SLC4A10: variants seen among roughly 807,000 people sequenced by gnomAD.
The protein encoded by SLC4A10 is sodium-driven chloride bicarbonate exchanger.
In SLC4A10, 42 loss-of-function variants were observed where a neutral mutation model predicts 137.7. That is an observed-to-expected ratio of 0.30 (90% CI 0.24 to 0.39). The LOEUF (loss-of-function observed/expected upper bound fraction) is 0.39. Among genes scored for constraint, SLC4A10 ranks in the 10% least tolerant of loss-of-function variants. The pLI, the probability that SLC4A10 is intolerant of heterozygous loss-of-function variation, is 1.00. For missense variants in SLC4A10, 925 were observed against 1,355.0 expected (o/e 0.68, Z 4.98); for synonymous variants, 474 against 464.1 (o/e 1.02, Z -0.27).
chr2:161,849,219 T>C (rs1206303449), intron 4 of SLC4A10, among the ~76,000 whole-genome samples: 1 of 152,162 alleles, frequency 6.6e-6, no homozygotes, highest in Non-Finnish European at 1.5e-5. Flanking sequence ...GTTATTGGTG[T>C]ATATAAACAT....
intron 1 of SLC4A10, among the ~76,000 whole-genome samples, chr2:161,690,718 T>A (rs2041895663): frequency 6.6e-6 from 1 of 152,076 alleles, no homozygotes; most frequent in Non-Finnish European, 1.5e-5. Flanking sequence ...ATGTTCTCAC[T>A]TATAAGTGGG....
intron 3 of SLC4A10, among the ~76,000 whole-genome samples, chr2:161,804,949 A>C (rs987316519): frequency 2.0e-5 from 3 of 152,178 alleles, no homozygotes; most frequent in Admixed American, 1.3e-4. Context: ...GATAGTGCCC[A>C]AGTTTCAGTC....
intron 1 of SLC4A10, among the ~76,000 whole-genome samples, chr2:161,661,718 T>C (rs998025137): frequency 2.6e-5 from 4 of 152,228 alleles, no homozygotes; most frequent in Non-Finnish European, 5.9e-5. Context: ...TTTTTAGGCT[T>C]TCTATTTGTT....
At chr2:161,790,505 T>C (rs944617042) in intron 2 of SLC4A10, among the ~76,000 whole-genome samples, 2 of 152,148 alleles carry the variant, frequency 1.3e-5, no homozygotes, top group African/African-American at 4.8e-5. Context: ...CTAAGGGTGT[T>C]TGCTCCATTA....
intron 15 of SLC4A10, among the ~76,000 whole-genome samples, chr2:161,917,205 C>A (rs1264145079): frequency 2.0e-5 from 3 of 152,120 alleles, no homozygotes; most frequent in South Asian, 2.1e-4. Flanking sequence ...CAATTTATTC[C>A]TTTTTCTTGC....
chr2:161,967,320 T>TTGTA (rs1270507507), intron 23 of SLC4A10, among the ~76,000 whole-genome samples: 1 of 152,212 alleles, frequency 6.6e-6, no homozygotes, highest in Admixed American at 6.5e-5. Flanking sequence ...ATTTCTCATC[T>TTGTA]TGTACCCTGA....
intron 5 of SLC4A10, among the ~76,000 whole-genome samples, chr2:161,857,054 C>A (rs191846913): frequency 6.6e-6 from 1 of 152,264 alleles, no homozygotes; most frequent in East Asian, 1.9e-4. Context: ...CTAATGCTTT[C>A]CTCAGAAAGT....
At chr2:161,780,666 A>G (rs943367474) in intron 2 of SLC4A10, among the ~76,000 whole-genome samples, 12 of 152,044 alleles carry the variant, frequency 7.9e-5, no homozygotes, top group Admixed American at 7.9e-4. Context: ...TTTTTAAAAA[A>G]TTCTTTCATT....
chr2:161,785,132 C>G (rs1212536144), intron 2 of SLC4A10, among the ~76,000 whole-genome samples: 1 of 151,288 alleles, frequency 6.6e-6, no homozygotes, highest in East Asian at 1.9e-4. Context: ...ACTCTATGAC[C>G]TTAAAAATGG....
chr2:161,810,500 G>C (rs950107559), intron 3 of SLC4A10, among the ~76,000 whole-genome samples: 17 of 152,088 alleles, frequency 1.1e-4, no homozygotes, highest in African/African-American at 2.9e-4. Flanking sequence ...TTAGCTGTGT[G>C]TTTTTCATAG....
At chr2:161,842,726 C>T (rs935795307) in intron 4 of SLC4A10, among the ~76,000 whole-genome samples, 1 of 152,118 alleles carries the variant, frequency 6.6e-6, no homozygotes, top group Admixed American at 6.5e-5. Flanking sequence ...TTTGTCCCAA[C>T]TGCATCAAAA....
intron 1 of SLC4A10, among the ~76,000 whole-genome samples, chr2:161,676,406 T>G (rs1337725205): frequency 1.3e-5 from 2 of 152,206 alleles, no homozygotes; most frequent in African/African-American, 4.8e-5. Flanking sequence ...AGACTTTTGC[T>G]GGTATTTGTA....
chr2:161,851,591 A>G (rs2059837865), intron 4 of SLC4A10, among the ~76,000 whole-genome samples: 1 of 152,182 alleles, frequency 6.6e-6, no homozygotes, highest in African/African-American at 2.4e-5. Flanking sequence ...AGATGAAATG[A>G]TTTAGATGCT....
intron 21 of SLC4A10, among the ~76,000 whole-genome samples, chr2:161,961,427 T>G (rs1006883106): frequency 3.3e-5 from 5 of 152,228 alleles, no homozygotes; most frequent in Non-Finnish European, 7.3e-5. Flanking sequence ...TTTACTCAAA[T>G]TAGATTTAAT....
intron 2 of SLC4A10, among the ~76,000 whole-genome samples, chr2:161,798,519 C>T (rs560807563): frequency 6.6e-6 from 1 of 151,932 alleles, no homozygotes; most frequent in Admixed American, 6.6e-5. Context: ...CATTTCAATA[C>T]TGATCCTTAT....
rs768080951 is a variant in SLC4A10, at chr2:161,947,593, G to A, written c.2131G>A (p.Val711Ile). 5 of 1,612,698 alleles carry A rather than the reference G, an allele frequency of 3.1e-6. No individual in the cohort carries two copies. The East Asian group carries it at 8.9e-5, about 29-fold the overall frequency. ...SECKSLHGEY[V>I]GRACGHDHPY... ...ATGCAAATCATTGCATGGAGAGTAT[G>A]TTGGACGGGCCTGTGGCCATGATCA... The change falls in exon 17 of 27, where the codon GTT (valine) becomes ATT (isoleucine). Residue 711 changes from valine (V) to isoleucine (I), a missense_variant. Physicochemically the swap from Val to Ile is conservative, Grantham distance 29. This residue lies in a region of SLC4A10 where 91 missense variants were observed against 95.6 expected (regional missense o/e 0.95). Transcript: ENST00000446997.
At chr2:161,688,800 A>G (rs1465464006) in intron 1 of SLC4A10, among the ~76,000 whole-genome samples, 2 of 152,154 alleles carry the variant, frequency 1.3e-5, no homozygotes, top group Non-Finnish European at 2.9e-5. Context: ...TCGATTTTCT[A>G]TTATGGTCAT....
intron 1 of SLC4A10, among the ~76,000 whole-genome samples, chr2:161,741,258 CAAA>C (rs11314115): frequency 3.2e-4 from 32 of 100,070 alleles, no homozygotes; most frequent in African/African-American, 3.8e-4. Flanking sequence ...GAAAGACTCT[CAAA>C]AAAAAAAAAA....
chr2:161,944,206 A>G (rs1350898440), intron 16 of SLC4A10, among the ~76,000 whole-genome samples: 1 of 151,820 alleles, frequency 6.6e-6, no homozygotes, highest in East Asian at 1.9e-4. Flanking sequence ...AAAACACTAT[A>G]GTTATTCAGA....
Sources: gnomAD v4.1 joint callset for allele counts (sites outside exome capture counted in the v4.1 genomes callset) on GRCh38, gnomAD v4.1.1 for gene constraint, gnomAD v4.1.1 regional missense constraint, MANE v1.5 for transcripts, NCBI Gene and HGNC (gene_info 2026-07-23, HGNC 2026-07-21) for gene names.